Variants in FBXO17 observed in about 807,000 individuals in gnomAD.
FBXO17 encodes F-box protein 17.
In FBXO17, 43 loss-of-function variants were observed where a neutral mutation model predicts 34.1. That is an observed-to-expected ratio of 1.26 (90% CI 0.99 to 1.62). FBXO17 has a LOEUF of 1.62. Among genes scored for constraint, FBXO17 ranks in the 40% most tolerant of loss-of-function variants. The pLI is 0.00. For missense variants in FBXO17, 424 were observed against 386.7 expected, an observed-to-expected ratio of 1.10 and a Z score of -0.81; for synonymous variants, 169 against 166.0, an observed-to-expected ratio of 1.02 and a Z score of -0.14.
At chr19:38,964,932 C>CA (rs949421840) in intron 1 of FBXO17, among the ~76,000 whole-genome samples, 2 of 152,094 alleles carry the variant, frequency 1.3e-5, no homozygotes, top group Non-Finnish European at 2.9e-5. Context: ...CCACAGAACA[C>CA]AGAGTTCACA....
intron 1 of FBXO17, among the ~76,000 whole-genome samples, chr19:38,954,994 G>A (rs1224206489): frequency 1.3e-5 from 2 of 150,342 alleles, no homozygotes; most frequent in African/African-American, 4.9e-5. Flanking sequence ...GCAGTGGTGC[G>A]ATGTCGGCTC....
chr19:38,963,297 C>CCTTT (rs397977753), intron 1 of FBXO17, among the ~76,000 whole-genome samples: 3 of 75,890 alleles, frequency 4.0e-5, no homozygotes, highest in African/African-American at 6.3e-5. Context: ...TTCACTCATA[C>CCTTT]TTTTTTTTTT....
rs369082887 is a variant in FBXO17 at position 38,942,656 on chromosome 19, G to A, written c.789C>T (p.Gly263=). 4.8e-5 allele frequency: 76 copies of A among 1,599,036 alleles called. No individual in the cohort carries two copies. Among genetic ancestry groups the A allele is most frequent in the Non-Finnish European group, 6.0e-5 (71 of 1,174,306 alleles). The change falls in exon 6 of 6, where the codon GGC becomes GGT. Residue 263 remains glycine (G), a synonymous_variant. Transcript: ENST00000292852. ...TCACACTGGAGTGGGTCACAAGGGC[G>A]CCATAGTGCCCCACCCAGGAACTCA... ...RDVSSWVGHY[G]ALVTHSSVRV...
At chr19:38,951,354 T>G (rs1196633779) in intron 1 of FBXO17, among the ~76,000 whole-genome samples, 1 of 151,678 alleles carries the variant, frequency 6.6e-6, no homozygotes, top group African/African-American at 2.4e-5. Context: ...ATTTATTGTT[T>G]TGTAGAGATG....
At position 38,975,732 on chromosome 19, in the gene FBXO17, G is replaced by T. The variant is rs1295808167; in HGVS notation, c.-164C>A. 3 of 151,766 alleles carry T rather than the reference G, an allele frequency of 2.0e-5. No individual in the cohort carries two copies. Among genetic ancestry groups the T allele is most frequent in the Non-Finnish European group, 4.4e-5 (3 of 67,840 alleles). The allele number at this position is 151,766 out of a possible 1,614,324, so 9.4% of individuals were successfully genotyped here. A position where few individuals can be genotyped will look rare whatever the true frequency, so the allele number is the denominator to read the frequency against. On this transcript the variant is annotated 5_prime_UTR_variant, in exon 1 of 6. Transcript: ENST00000292852. This position sits in a 1 kb window ranked among gnomAD's most constrained non-coding sequence, Gnocchi z 4.9. Reference sequence around the variant, plus strand: ...TGGGCGGTCGGTCCTCTCCCGGGGCGTGGCGGCTGCAGCCCGGCGCCGGGG... The same window carrying T: ...TGGGCGGTCGGTCCTCTCCCGGGGCTTGGCGGCTGCAGCCCGGCGCCGGGG...
rs539729622 is a variant in FBXO17 at position 38,942,489 on chromosome 19, C to A, written c.*119G>T. The A allele has an allele frequency of 1.8e-6, 2 of 1,129,048 alleles. No individual in the cohort carries two copies. Among genetic ancestry groups the A allele is most frequent in the African/African-American group, 1.7e-5 (1 of 59,278 alleles). 69.9% of individuals were successfully genotyped at this position (1,129,048 alleles called of 1,614,324 possible). ...GTTGCCCAGGCTGGTCTTGAACTCC[C>A]GAGCTCCAGTGATCCTCCCACCTCG... On this transcript the variant is annotated 3_prime_UTR_variant, in exon 6 of 6. Transcript: ENST00000292852.
At position 38,948,718 on chromosome 19, in the gene FBXO17, A is replaced by G. The variant is rs781157714; in HGVS notation, c.350-40T>C. 1.9e-6 allele frequency: 3 copies of G among 1,584,210 alleles called. No individual in the cohort carries two copies. The Admixed American group carries it at 5.1e-5, about 27-fold the overall frequency. On this transcript the variant is annotated intron_variant, in intron 2 of 5. Coordinates refer to ENST00000292852, the MANE Select transcript of FBXO17 (RefSeq NM_024907.7). ...GAGTTGAACATATGGTTCACCTGCC[A>G]GCCTGCCCAGAAGAGACCCCGCAAC...
At position 38,949,557 on chromosome 19, in the gene FBXO17, G is replaced by A. The variant is rs144780171; in HGVS notation, c.349+414C>T. Reference sequence around the variant, plus strand: ...CCATTTTTTTTTTTTTTTGAGACAAGGTCTCTGTCACGCAGGCTGTAGTGC... The same window carrying A: ...CCATTTTTTTTTTTTTTTGAGACAAAGTCTCTGTCACGCAGGCTGTAGTGC... On this transcript the variant is annotated intron_variant, in intron 2 of 5. Transcript: ENST00000292852. 8.4e-3 allele frequency among the ~76,000 whole-genome samples: 1,258 copies of A among 149,100 alleles called. 18 individuals are homozygous for A. Among genetic ancestry groups the A allele is most frequent in the African/African-American group, 0.03 (1,194 of 40,346 alleles).
At chr19:38,953,531 C>A (rs897797259) in intron 1 of FBXO17, among the ~76,000 whole-genome samples, 1 of 151,742 alleles carries the variant, frequency 6.6e-6, no homozygotes, top group African/African-American at 2.4e-5. Context: ...GGTGTGGTGG[C>A]GCACCTGTAA....
At chr19:38,950,635 A>G (rs1361934759) in intron 1 of FBXO17, among the ~76,000 whole-genome samples, 1 of 152,246 alleles carries the variant, frequency 6.6e-6, no homozygotes, top group Non-Finnish European at 1.5e-5. Flanking sequence ...AAGAACTAAC[A>G]TAACTAACCC....
intron 2 of FBXO17, among the ~76,000 whole-genome samples, chr19:38,949,626 T>G (rs895384975): frequency 1.5e-4 from 23 of 152,086 alleles, no homozygotes; most frequent in African/African-American, 5.3e-4. Flanking sequence ...CTCCTTGGGC[T>G]TAAGCGATCC....
intron 1 of FBXO17, among the ~76,000 whole-genome samples, chr19:38,971,845 T>C (rs1225720528): frequency 6.6e-6 from 1 of 151,724 alleles, no homozygotes; most frequent in African/African-American, 2.4e-5. Flanking sequence ...ATGTTGACAG[T>C]GTTAGTCATA....
intron 1 of FBXO17, chr19:38,952,792 G>C (rs1445599357): frequency 2.2e-6 from 1 of 457,904 alleles, no homozygotes; most frequent in Non-Finnish European, 4.4e-6. Context: ...CCCAGACCTT[G>C]TTTGAATAAC....
Position 38,950,422 on chromosome 19 carries a change from C to A in FBXO17, c.-17-86G>T, listed in dbSNP as rs1385727179. 3.6e-6 allele frequency: 5 copies of A among 1,378,142 alleles called. No homozygotes were observed. In the South Asian group the frequency reaches 8.4e-5, roughly 23 times the overall value. The allele number at this position is 1,378,142 out of a possible 1,614,324, so 85.4% of individuals were successfully genotyped here. The stretch of plus-strand genomic sequence containing the variant: ...TGTCCCCCAGGGCGCAAGGCCCCTG[C>A]TGCTCGAGAGACCCCATTAGGTCCA... On this transcript the variant is annotated intron_variant, in intron 1 of 5. Coordinates refer to ENST00000292852, the MANE Select transcript of FBXO17 (RefSeq NM_024907.7).
intron 1 of FBXO17, among the ~76,000 whole-genome samples, chr19:38,969,182 C>T (rs1399114482): frequency 2.0e-5 from 3 of 152,102 alleles, no homozygotes; most frequent in African/African-American, 7.2e-5. Context: ...GGTGCGATGG[C>T]TCACACCTGT....
At chr19:38,969,438 C>CA (rs771872488) in intron 1 of FBXO17, among the ~76,000 whole-genome samples, 1,065 of 69,490 alleles carry the variant, frequency 0.015, 9 homozygotes, top group African/African-American at 0.032. Context: ...ACTCCATCTC[C>CA]AAAAAAAAAA....
At chr19:38,946,133 C>T (rs147371077) in intron 4 of FBXO17, 108 of 360,900 alleles carry the variant, frequency 3.0e-4, no homozygotes, top group African/African-American at 1.6e-3. Context: ...CCTCAGCTCA[C>T]AGGGCACCAT....
In FBXO17 at chr19:38,942,054, T is replaced by C. The variant is rs1210869280; in HGVS notation, c.*554A>G. On this transcript the variant is annotated 3_prime_UTR_variant, in exon 6 of 6. Coordinates refer to ENST00000292852, the MANE Select transcript of FBXO17 (RefSeq NM_024907.7). ...CGAGATCCTTGCAGGAGAAGAAAATTTGCAGGCAAATGAACTAAATGTCTC... is the reference window on the plus strand; with the variant it reads ...CGAGATCCTTGCAGGAGAAGAAAATCTGCAGGCAAATGAACTAAATGTCTC... 6.6e-6 allele frequency: 1 copy of C among 151,492 alleles called. No individual in the cohort carries two copies. The highest frequency in any genetic ancestry group is 1.9e-4 in the East Asian group (1 of 5,142). 9.4% of individuals were successfully genotyped at this position (151,492 alleles called of 1,614,324 possible).
chr19:38,950,055 CCTT>C lies in FBXO17; in HGVS notation c.262_264del (p.Lys88del). 1.9e-6 allele frequency: 3 copies of C among 1,568,742 alleles called. No homozygotes were observed. Among genetic ancestry groups the C allele is most frequent in the Non-Finnish European group, 2.6e-6 (3 of 1,158,284 alleles). ...GCCAGGGCGCACAGCGGGAACTCCTCCTTGTCTTCGTTGCTGGGCAGGCAGCGT... is the reference window on the plus strand; with the variant it reads ...GCCAGGGCGCACAGCGGGAACTCCTCGTCTTCGTTGCTGGGCAGGCAGCGT... On this transcript the variant is annotated inframe_deletion, in exon 2 of 6. Transcript: ENST00000292852.
Sources: allele counts gnomAD v4.1 joint callset (sites outside exome capture counted in the v4.1 genomes callset), GRCh38; gene constraint gnomAD v4.1.1; non-coding constraint Gnocchi (gnomAD v3.1); transcripts MANE v1.5; gene names NCBI Gene and HGNC (gene_info 2026-07-23, HGNC 2026-07-21).